The following BABAM2 variants were observed in gnomAD, a reference collection of about 807,000 sequenced individuals.
BABAM2 encodes the protein BRISC and BRCA1 A complex member 2.
Under a neutral mutation model 54.7 loss-of-function variants are expected in BABAM2, and 31 were observed. The observed-to-expected ratio is 0.57, with a 90% CI of 0.43 to 0.77. BABAM2 has a LOEUF of 0.77. Ranked by LOEUF, BABAM2 falls within the 30% of genes least tolerant of loss-of-function variation. The probability of loss-of-function intolerance (pLI) is 0.00; values close to 1 mark genes in which losing one functional copy is unlikely to be tolerated. For missense variants in BABAM2, 364 were observed against 455.8 expected (o/e 0.80, Z 1.83); for synonymous variants, 167 against 162.9 (o/e 1.03, Z -0.19).
At chr2:28,192,897 G>T (rs1455365649) in intron 7 of BABAM2, among the ~76,000 whole-genome samples, 5 of 152,044 alleles carry the variant, frequency 3.3e-5, no homozygotes, top group Non-Finnish European at 7.4e-5. Context: ...TGTTGGCTGG[G>T]TGCGGTGGCT....
chr2:28,043,131 G>GTT (rs757757963), intron 5 of BABAM2, among the ~76,000 whole-genome samples: 6 of 138,844 alleles, frequency 4.3e-5, no homozygotes, highest in Admixed American at 7.2e-5. Flanking sequence ...TTGGGAGCAT[G>GTT]TTTTTTTTTT....
At chr2:28,238,116 C>T (rs1682084399) in intron 8 of BABAM2, among the ~76,000 whole-genome samples, 2 of 152,154 alleles carry the variant, frequency 1.3e-5, no homozygotes, top group African/African-American at 4.8e-5. Context: ...TCCCAAAGTG[C>T]TGGGATTACA....
chr2:28,271,876 T>A (rs1685455618), intron 10 of BABAM2, among the ~76,000 whole-genome samples: 2 of 152,222 alleles, frequency 1.3e-5, no homozygotes, highest in African/African-American at 4.8e-5. Context: ...CAATCAGTAA[T>A]GTTTAATTAT....
At chr2:28,065,667 T>C (rs1350579629) in intron 6 of BABAM2, among the ~76,000 whole-genome samples, 1 of 152,200 alleles carries the variant, frequency 6.6e-6, no homozygotes, top group Non-Finnish European at 1.5e-5. Flanking sequence ...AATAAAAACA[T>C]AATTTTAAAA....
At chr2:28,155,434 G>A (rs1164229070) in intron 7 of BABAM2, among the ~76,000 whole-genome samples, 1 of 152,100 alleles carries the variant, frequency 6.6e-6, no homozygotes, top group Non-Finnish European at 1.5e-5. Flanking sequence ...TCGATAGAGA[G>A]GGGTCATCTC....
chr2:28,200,746 A>G (rs1678173328), intron 7 of BABAM2, among the ~76,000 whole-genome samples: 2 of 116,818 alleles, frequency 1.7e-5, no homozygotes, highest in Admixed American at 2.0e-4. Flanking sequence ...TTTACCAGGT[A>G]TCTATGGGGT....
chr2:28,331,973 A>G (rs895580633), intron 11 of BABAM2, among the ~76,000 whole-genome samples: 4 of 152,252 alleles, frequency 2.6e-5, no homozygotes, highest in Non-Finnish European at 4.4e-5. Context: ...ACCATGGAAT[A>G]CTATGCAGCC....
At chr2:27,981,936 G>A (rs976335817) in intron 3 of BABAM2, among the ~76,000 whole-genome samples, 3 of 152,090 alleles carry the variant, frequency 2.0e-5, no homozygotes, top group Non-Finnish European at 4.4e-5. Context: ...CTGCCAGACT[G>A]TTTTCAAAAG....
At chr2:28,337,166 C>T (rs1296927846) in intron 11 of BABAM2, among the ~76,000 whole-genome samples, 1 of 152,088 alleles carries the variant, frequency 6.6e-6, no homozygotes, top group Non-Finnish European at 1.5e-5. Context: ...GTGTGGGTGT[C>T]GGTGGGGCAG....
intron 4 of BABAM2, among the ~76,000 whole-genome samples, chr2:28,015,442 A>G (rs886098019): frequency 4.6e-5 from 7 of 152,184 alleles, no homozygotes; most frequent in African/African-American, 1.7e-4. Context: ...CTGTTGGTTT[A>G]TCTTTAGACA....
intron 10 of BABAM2, among the ~76,000 whole-genome samples, chr2:28,291,046 G>A (rs1687242500): frequency 6.6e-6 from 1 of 152,060 alleles, no homozygotes; most frequent in Admixed American, 6.6e-5. Context: ...TACCTGTTTG[G>A]TTTTTATTTA....
At chr2:28,058,459 C>G (rs1323727961) in intron 6 of BABAM2, among the ~76,000 whole-genome samples, 1 of 151,808 alleles carries the variant, frequency 6.6e-6, no homozygotes, top group East Asian at 1.9e-4. Context: ...TGGATGCAGA[C>G]CTGTTATCAT....
chr2:28,192,809 A>C (rs961594305), intron 7 of BABAM2, among the ~76,000 whole-genome samples: 5 of 151,816 alleles, frequency 3.3e-5, no homozygotes, highest in Admixed American at 6.6e-5. Context: ...GGTGTGAGCC[A>C]CCACGCCCGG....
intron 2 of BABAM2, among the ~76,000 whole-genome samples, chr2:27,924,675 G>A (rs1341973614): frequency 1.3e-5 from 2 of 152,214 alleles, no homozygotes; most frequent in East Asian, 1.9e-4. Context: ...GTGAGCCACT[G>A]TGCCCTGCCC....
At chr2:27,925,514 G>T (rs1320646989) in intron 2 of BABAM2, among the ~76,000 whole-genome samples, 1 of 152,134 alleles carries the variant, frequency 6.6e-6, no homozygotes, top group Non-Finnish European at 1.5e-5. Context: ...GAGAAACCTG[G>T]TGAGACCAGT....
intron 7 of BABAM2, among the ~76,000 whole-genome samples, chr2:28,236,349 T>C (rs113375619): frequency 3.3e-5 from 5 of 152,010 alleles, no homozygotes; most frequent in African/African-American, 1.2e-4. Flanking sequence ...AATTTCTTTT[T>C]TTTTTTCTTT....
intron 6 of BABAM2, among the ~76,000 whole-genome samples, chr2:28,062,585 A>G (rs1244686429): frequency 6.6e-6 from 1 of 152,024 alleles, no homozygotes; most frequent in Non-Finnish European, 1.5e-5. Context: ...CAAAAAAAAA[A>G]AAAACATATT....
chr2:28,315,420 TTTTTTCTTTTCTTTTCTTTTC>T (rs1208649360), intron 11 of BABAM2, among the ~76,000 whole-genome samples: 2 of 141,874 alleles, frequency 1.4e-5, no homozygotes, highest in Middle Eastern at 3.5e-3. Context: ...TGTGTGGTTC[TTTTTTCTTTTCTTTTCTTTTC>T]TTTTCTTTTC....
chr2:28,240,474 A>G (rs1682309533), intron 8 of BABAM2, among the ~76,000 whole-genome samples: 2 of 152,214 alleles, frequency 1.3e-5, no homozygotes, highest in Non-Finnish European at 2.9e-5. Flanking sequence ...ATGCAGGCAC[A>G]CACACATACA....
Sources: allele counts gnomAD v4.1 joint callset (sites outside exome capture counted in the v4.1 genomes callset), GRCh38; gene constraint gnomAD v4.1.1; transcripts MANE v1.5; gene names NCBI Gene and HGNC (gene_info 2026-07-23, HGNC 2026-07-21).